Variants in SPIRE1 observed in about 807,000 individuals in gnomAD.
SPIRE1 encodes protein spire homolog 1.
SPIRE1 carries 40 observed loss-of-function variants against 94.1 expected under a neutral mutation model. The ratio of observed to expected loss-of-function variants is 0.43; its 90% CI spans 0.33 to 0.55. The LOEUF (loss-of-function observed/expected upper bound fraction) is 0.55, where lower values mean the gene tolerates loss of function less well. Ranked by LOEUF, SPIRE1 falls within the 20% of genes least tolerant of loss-of-function variation. SPIRE1 has a pLI of 0.06. For synonymous variants in SPIRE1, 376 were observed against 371.7 expected (o/e 1.01, Z -0.13); for missense variants, 838 against 975.2 (o/e 0.86, Z 1.87).
rs182516742 is a variant in SPIRE1 at position 12,598,505 on chromosome 18, C to T, written c.372+36557G>A. ...AAACTTCACCAGACCAAATTAACTA[C>T]CAATTTAAGAAAAATTTAAATATTA... On this transcript the variant is annotated intron_variant, in intron 2 of 16. Coordinates refer to ENST00000409402, the MANE Select transcript of SPIRE1 (RefSeq NM_001128626.2). Among the ~76,000 whole-genome samples the T allele has an allele frequency of 9.9e-5, 15 of 152,086 alleles. 1 individual carries two copies. Among genetic ancestry groups the T allele is most frequent in the African/African-American group, 3.4e-4 (14 of 41,498 alleles).
chr18:12,461,525 TG>T (rs1275246340), intron 12 of SPIRE1, among the ~76,000 whole-genome samples: 28 of 58,620 alleles, frequency 4.8e-4, no homozygotes, highest in Middle Eastern at 0.015. Context: ...TACATATGTG[TG>T]GTATGTACGT....
intron 10 of SPIRE1, among the ~76,000 whole-genome samples, chr18:12,469,276 C>T (rs924674957): frequency 6.6e-6 from 1 of 151,856 alleles, no homozygotes; most frequent in Non-Finnish European, 1.5e-5. Context: ...GATCTCAGAT[C>T]ACTGCAATTT....
upstream of SPIRE1, among the ~76,000 whole-genome samples, chr18:12,660,037 C>T (rs2038663365): frequency 6.6e-6 from 1 of 152,162 alleles, no homozygotes; most frequent in African/African-American, 2.4e-5. Context: ...GACAACACTA[C>T]CACCTCCTGG....
rs566307583 is a variant in SPIRE1, at chr18:12,491,927, C to T, written c.1189+1145G>A. Among the ~76,000 whole-genome samples, 145 of 152,170 alleles carry T rather than the reference C, an allele frequency of 9.5e-4. 2 individuals carry two copies. Among genetic ancestry groups the T allele is most frequent in the South Asian group, 2.1e-3 (10 of 4,816 alleles). ...AGTAAAATCAACAGGGGTTGGCCAT[C>T]GGGTAAGAGTCAAAGATTATGTTAA... On this transcript the variant is annotated intron_variant, in intron 8 of 16. Coordinates refer to ENST00000409402, the MANE Select transcript of SPIRE1 (RefSeq NM_001128626.2).
chr18:12,631,130 C>T (rs2037762184), intron 2 of SPIRE1, among the ~76,000 whole-genome samples: 1 of 152,024 alleles, frequency 6.6e-6, no homozygotes, highest in Admixed American at 6.6e-5. Context: ...GTACCTCTGC[C>T]ATCTGTGCTC....
At chr18:12,561,957 G>C (rs2035699122) in intron 2 of SPIRE1, among the ~76,000 whole-genome samples, 1 of 152,130 alleles carries the variant, frequency 6.6e-6, no homozygotes, top group Admixed American at 6.5e-5. Context: ...TAACAAGTAA[G>C]GGCTGTACAA....
At chr18:12,452,873 A>G (rs891569861) in intron 14 of SPIRE1, among the ~76,000 whole-genome samples, 195 bp downstream of exon 14, 2 of 152,244 alleles carry the variant, frequency 1.3e-5, no homozygotes, top group Non-Finnish European at 2.9e-5. Flanking sequence ...TCTAGGTTCA[A>G]TATCAAATAA....
chr18:12,581,258 T>G (rs987721477), intron 2 of SPIRE1, among the ~76,000 whole-genome samples: 1 of 152,206 alleles, frequency 6.6e-6, no homozygotes, highest in African/African-American at 2.4e-5. Flanking sequence ...GTTAGTCATT[T>G]CCACAGAAAG....
chr18:12,546,132 G>C (rs1433952055), intron 3 of SPIRE1, among the ~76,000 whole-genome samples: 1 of 152,006 alleles, frequency 6.6e-6, no homozygotes, highest in Non-Finnish European at 1.5e-5. Flanking sequence ...TGGGACTACA[G>C]GTGCCCGCCA....
chr18:12,535,403 G>A, intron 4 of SPIRE1, 73 bp downstream of exon 4: 1 of 1,493,612 alleles, frequency 6.7e-7, no homozygotes, highest in Non-Finnish European at 9.1e-7. Context: ...GAAAATTTAG[G>A]TTTCTCTTCC....
At chr18:12,511,607 G>A (rs1049999905) in intron 5 of SPIRE1, among the ~76,000 whole-genome samples, 1 of 152,130 alleles carries the variant, frequency 6.6e-6, no homozygotes, top group Admixed American at 6.5e-5. Context: ...AGACATTGGG[G>A]GTGGTTTTAA....
rs1021003694 is a variant in SPIRE1 at position 12,454,655 on chromosome 18, A to G, written c.1639-172T>C. ...TGGGGACCACATCATTTCCAATTAC[A>G]CTAAGACTAAAGATGGCAGAAAACA... On this transcript the variant is annotated intron_variant, in intron 12 of 16. Coordinates refer to ENST00000409402, the MANE Select transcript of SPIRE1 (RefSeq NM_001128626.2). The G allele has an allele frequency of 1.2e-5, 7 of 606,428 alleles. No homozygotes were observed. In the East Asian group the frequency reaches 1.6e-4, roughly 14 times the overall value. 37.6% of individuals were successfully genotyped at this position (606,428 alleles called of 1,614,324 possible). A position where few individuals can be genotyped will look rare whatever the true frequency, so the allele number is the denominator to read the frequency against.
At chr18:12,584,199 G>A (rs2036331880) in intron 2 of SPIRE1, among the ~76,000 whole-genome samples, 1 of 152,090 alleles carries the variant, frequency 6.6e-6, no homozygotes, top group African/African-American at 2.4e-5. Flanking sequence ...GGAGGCCGAG[G>A]CAGACAGATC....
At chr18:12,573,485 T>C (rs1308170532) in intron 2 of SPIRE1, among the ~76,000 whole-genome samples, 2 of 152,306 alleles carry the variant, frequency 1.3e-5, no homozygotes, top group East Asian at 1.9e-4. Context: ...CCCAAATAAG[T>C]TTAAACTATG....
At chr18:12,659,172 A>G (rs2038643049), upstream of SPIRE1, among the ~76,000 whole-genome samples, 1 of 152,226 alleles carries the variant, frequency 6.6e-6, no homozygotes, top group Non-Finnish European at 1.5e-5. Flanking sequence ...CCAAATAGGC[A>G]ATGTATATTA....
chr18:12,542,043 C>T (rs990060284), intron 3 of SPIRE1, among the ~76,000 whole-genome samples: 6 of 151,426 alleles, frequency 4.0e-5, no homozygotes, highest in Non-Finnish European at 8.8e-5. Flanking sequence ...CTGGCATGAT[C>T]TCGGCTCACT....
chr18:12,500,405 A>G (rs1468197113), intron 6 of SPIRE1, among the ~76,000 whole-genome samples: 1 of 152,206 alleles, frequency 6.6e-6, no homozygotes, highest in Non-Finnish European at 1.5e-5. Context: ...CAAAACCACA[A>G]TGAGACATCA....
At chr18:12,651,731 T>G (rs1175901926) in intron 1 of SPIRE1, among the ~76,000 whole-genome samples, 1 of 152,172 alleles carries the variant, frequency 6.6e-6, no homozygotes, top group African/African-American at 2.4e-5. Context: ...TCCACAAATA[T>G]TCTCTCTTTA....
chr18:12,603,273 G>A (rs953068131), intron 2 of SPIRE1, among the ~76,000 whole-genome samples: 14 of 152,196 alleles, frequency 9.2e-5, no homozygotes, highest in African/African-American at 2.4e-4. Flanking sequence ...TCATAAAGTC[G>A]AAAAATCTTA....
Sources: gnomAD v4.1 joint callset for allele counts (sites outside exome capture counted in the v4.1 genomes callset) on GRCh38, gnomAD v4.1.1 for gene constraint, MANE v1.5 for transcripts, NCBI Gene and HGNC (gene_info 2026-07-23, HGNC 2026-07-21) for gene names.